Variants in NTM observed in about 807,000 individuals in gnomAD.
The protein encoded by NTM is IgLON family member 2.
A neutral mutation model predicts 42.1 loss-of-function variants in NTM; 13 were observed. The observed-to-expected ratio is 0.31, with a 90% CI of 0.20 to 0.49. The LOEUF is 0.49. Ranked by LOEUF, NTM falls within the 20% of genes least tolerant of loss-of-function variation. NTM has a pLI of 0.99. For missense variants in NTM, 373 were observed against 452.8 expected, an observed-to-expected ratio of 0.82 and a Z score of 1.60; for synonymous variants, 187 against 179.2, an observed-to-expected ratio of 1.04 and a Z score of -0.35.
At chr11:131,620,544 G>T (rs2137645610) in intron 1 of NTM, among the ~76,000 whole-genome samples, 1 of 152,190 alleles carries the variant, frequency 6.6e-6, no homozygotes, top group African/African-American at 2.4e-5. Flanking sequence ...TGCTCACTCA[G>T]CCCCAGCTAC....
intron 1 of NTM, among the ~76,000 whole-genome samples, chr11:131,626,074 G>A (rs547414408): frequency 2.0e-5 from 3 of 151,964 alleles, no homozygotes; most frequent in Non-Finnish European, 4.4e-5. Flanking sequence ...TTTTATAAGG[G>A]ATGAGATAAA....
intron 2 of NTM, among the ~76,000 whole-genome samples, chr11:131,989,234 A>G (rs972717214): frequency 6.6e-6 from 1 of 152,200 alleles, no homozygotes; most frequent in Non-Finnish European, 1.5e-5. Context: ...CTGCTCAAAA[A>G]CATACTAATT....
intron 4 of NTM, among the ~76,000 whole-genome samples, chr11:132,268,980 G>A (rs1263437521): frequency 6.6e-6 from 1 of 151,956 alleles, no homozygotes. Context: ...AGGATCATCT[G>A]GATCTCTGCT....
rs557116282 is a variant in NTM, at chr11:132,090,269, T to C, written c.168-56013T>C. On this transcript the variant is annotated intron_variant, in intron 2 of 8. Transcript: ENST00000683400. Reference sequence around the variant, plus strand: ...GGCAATTAAGCACTTGCAAGTCACCTTCTTATACCTTGTCTCCTTGGCCCT... The same window carrying C: ...GGCAATTAAGCACTTGCAAGTCACCCTCTTATACCTTGTCTCCTTGGCCCT... Among the ~76,000 whole-genome samples, 3 of 152,316 alleles carry C rather than the reference T, an allele frequency of 2.0e-5. No individual in the cohort carries two copies. In the East Asian group the frequency reaches 5.8e-4, roughly 29 times the overall value.
chr11:132,320,756 C>G (rs571305522), intron 7 of NTM, among the ~76,000 whole-genome samples: 56 of 151,952 alleles, frequency 3.7e-4, no homozygotes, highest in Middle Eastern at 6.8e-3. Context: ...GCAGTAACCT[C>G]TGCAGACTTA....
chr11:132,038,088 A>T (rs185236179), intron 2 of NTM, among the ~76,000 whole-genome samples: 2 of 152,366 alleles, frequency 1.3e-5, no homozygotes, highest in Admixed American at 1.3e-4. Flanking sequence ...AAGATGTCAC[A>T]GGACTGGGGC....
chr11:131,821,721 G>T (rs1001986728), intron 1 of NTM, among the ~76,000 whole-genome samples: 5 of 152,186 alleles, frequency 3.3e-5, no homozygotes, highest in Non-Finnish European at 7.3e-5. Context: ...TGGAGGAAGG[G>T]CTCTGGGGCT....
intron 2 of NTM, among the ~76,000 whole-genome samples, chr11:132,038,232 G>A (rs548603777): frequency 6.6e-6 from 1 of 152,332 alleles, no homozygotes; most frequent in African/African-American, 2.4e-5. Context: ...TAGGGGTAAA[G>A]GGTTATCTTG....
At chr11:132,282,188 C>G (rs567049343) in intron 4 of NTM, among the ~76,000 whole-genome samples, 1 of 151,232 alleles carries the variant, frequency 6.6e-6, no homozygotes, top group African/African-American at 2.4e-5. Context: ...CAATAGGGAG[C>G]CTGGCTCAAT....
chr11:131,789,654 GAAGAAGAA>G (rs2090535779), intron 1 of NTM, among the ~76,000 whole-genome samples: 1 of 138,160 alleles, frequency 7.2e-6, no homozygotes, highest in Non-Finnish European at 1.6e-5. Context: ...AGAAGAAGAA[GAAGAAGAA>G]GAAGAAAGCA....
rs1461916836 is a variant in NTM, at chr11:131,952,820, C to T, written c.167+41172C>T. ...AAACATGGATGTCAGGTTGGGATAG[C>T]TCTGACTGGTGACCAATGCATTATC... On this transcript the variant is annotated intron_variant, in intron 2 of 8. Coordinates refer to ENST00000683400, the MANE Select transcript of NTM (RefSeq NM_001352005.2). 2.0e-5 allele frequency among the ~76,000 whole-genome samples: 3 copies of T among 152,166 alleles called. No homozygotes were observed. The East Asian group carries it at 5.8e-4, about 29-fold the overall frequency.
chr11:131,963,278 C>T (rs2062431334), intron 2 of NTM, among the ~76,000 whole-genome samples: 1 of 152,178 alleles, frequency 6.6e-6, no homozygotes, highest in Non-Finnish European at 1.5e-5. Context: ...GGAGGCTAGA[C>T]ACTTGGGTTG....
At chr11:131,917,271 G>A (rs768343541) in intron 2 of NTM, among the ~76,000 whole-genome samples, 2 of 152,202 alleles carry the variant, frequency 1.3e-5, no homozygotes, top group Non-Finnish European at 2.9e-5. Flanking sequence ...TGGAGTCTGT[G>A]TCCTTTTTCC....
intron 2 of NTM, among the ~76,000 whole-genome samples, chr11:132,134,719 A>C (rs1250058339): frequency 6.2e-5 from 3 of 48,228 alleles, no homozygotes; most frequent in African/African-American, 5.0e-4. Context: ...ATATATATAT[A>C]TATATATATA....
At chr11:132,178,100 A>G (rs2077067145) in intron 3 of NTM, among the ~76,000 whole-genome samples, 1 of 152,204 alleles carries the variant, frequency 6.6e-6, no homozygotes, top group African/African-American at 2.4e-5. Context: ...AAAAATATTT[A>G]TAGAACACAA....
chr11:131,374,406 C>G (rs532091753), intron 1 of NTM, among the ~76,000 whole-genome samples: 3 of 152,226 alleles, frequency 2.0e-5, no homozygotes, highest in Non-Finnish European at 4.4e-5. Context: ...GCTTTAGTTA[C>G]CAGGCACAGA....
chr11:131,953,900 C>A (rs918484018), intron 2 of NTM, among the ~76,000 whole-genome samples: 1 of 152,190 alleles, frequency 6.6e-6, no homozygotes, highest in African/African-American at 2.4e-5. Flanking sequence ...TAACGTGAAT[C>A]TGATGAACCA....
intron 1 of NTM, among the ~76,000 whole-genome samples, chr11:131,852,416 C>T (rs973379730): frequency 6.6e-6 from 1 of 152,200 alleles, no homozygotes; most frequent in Admixed American, 6.5e-5. Flanking sequence ...TCAATACAAT[C>T]CATTTTAATT....
At chr11:131,814,121 G>A (rs74557378) in intron 1 of NTM, among the ~76,000 whole-genome samples, 24 of 152,202 alleles carry the variant, frequency 1.6e-4, no homozygotes, top group South Asian at 4.1e-4. Context: ...TTAATAGAGC[G>A]CTCCACTCTT....
Sources: gnomAD v4.1 joint callset for allele counts (sites outside exome capture counted in the v4.1 genomes callset) on GRCh38, gnomAD v4.1.1 for gene constraint, MANE v1.5 for transcripts, NCBI Gene and HGNC (gene_info 2026-07-23, HGNC 2026-07-21) for gene names.